HECTD4: variants seen among roughly 807,000 people sequenced by gnomAD.
HECTD4 encodes the protein HECT domain E3 ubiquitin protein ligase 4.
Under a neutral mutation model 471.5 loss-of-function variants are expected in HECTD4, and 114 were observed. That is an observed-to-expected ratio of 0.24 (90% CI 0.21 to 0.28). HECTD4 has a LOEUF of 0.28. Ranked by LOEUF, HECTD4 falls within the 10% of genes least tolerant of loss-of-function variation. HECTD4 has a pLI of 1.00. For missense variants in HECTD4, 3,866 were observed against 5,651.5 expected, an observed-to-expected ratio of 0.68 and a Z score of 10.13; for synonymous variants, 2,012 against 2,256.0, an observed-to-expected ratio of 0.89 and a Z score of 3.07.
At chr12:112,189,964 G>A (rs954333143) in intron 60 of HECTD4, among the ~76,000 whole-genome samples, 5 of 152,122 alleles carry the variant, frequency 3.3e-5, no homozygotes, top group African/African-American at 1.2e-4. Context: ...TGTTGGTCAG[G>A]CTGGTCTCCA....
chr12:112,330,893 T>C (rs1024836293), intron 1 of HECTD4, among the ~76,000 whole-genome samples: 2 of 152,090 alleles, frequency 1.3e-5, no homozygotes, highest in Admixed American at 6.6e-5. Context: ...AAAATACATG[T>C]GGTGAGGGGG....
At chr12:112,231,352 G>C in intron 39 of HECTD4, 161 bp downstream of exon 39, 1 of 649,676 alleles carries the variant, frequency 1.5e-6, no homozygotes, top group Non-Finnish European at 2.7e-6. Flanking sequence ...ATTACTCCCC[G>C]ACGTACTCCA....
rs911731940 is a variant in HECTD4, at chr12:112,213,561, C to T, written c.7466-911G>A. On this transcript the variant is annotated intron_variant, in intron 48 of 75. Transcript: ENST00000682272. This position sits in a 1 kb window ranked among gnomAD's most constrained non-coding sequence, Gnocchi z 4.0. ...TTTCGCCGGGCTAGGTGGCAGGCAC[C>T]TGTAGTCCCAGCTACTTGGGAGGCT... Among the ~76,000 whole-genome samples the T allele has an allele frequency of 1.8e-4, 27 of 151,932 alleles. No individual in the cohort carries two copies. Among genetic ancestry groups the T allele is most frequent in the African/African-American group, 6.5e-4 (27 of 41,454 alleles).
intron 22 of HECTD4, among the ~76,000 whole-genome samples, 182 bp from the exon 23 acceptor site, chr12:112,252,710 CT>C (rs1240957138): frequency 6.6e-6 from 1 of 152,166 alleles, no homozygotes; most frequent in East Asian, 1.9e-4. Context: ...CTTTAAGTGT[CT>C]CTCCTGATGA....
chr12:112,195,114 C>T (rs370063862), intron 55 of HECTD4, 48 bp from the exon 56 acceptor site: 8 of 1,509,216 alleles, frequency 5.3e-6, no homozygotes, highest in African/African-American at 4.1e-5. Flanking sequence ...GATGCTCCGG[C>T]CCCCATACCG....
chr12:112,218,083 G>A (rs546920450), intron 45 of HECTD4, among the ~76,000 whole-genome samples: 1 of 151,742 alleles, frequency 6.6e-6, no homozygotes, highest in South Asian at 2.1e-4. Flanking sequence ...AGTTGAACCC[G>A]GGAGGTGGAG....
chr12:112,290,807 C>A (rs2034861610), intron 7 of HECTD4, among the ~76,000 whole-genome samples: 1 of 142,782 alleles, frequency 7.0e-6, no homozygotes, highest in East Asian at 2.4e-4. Context: ...GAGATCACAC[C>A]ATTGCACTCC....
At chr12:112,233,370 A>G (rs1471671423) in intron 37 of HECTD4, among the ~76,000 whole-genome samples, 1 of 151,666 alleles carries the variant, frequency 6.6e-6, no homozygotes, top group East Asian at 1.9e-4. Flanking sequence ...CCACAGGTTC[A>G]TGCCACTATG....
intron 1 of HECTD4, among the ~76,000 whole-genome samples, chr12:112,334,160 G>C (rs2035894595): frequency 6.6e-6 from 1 of 151,668 alleles, no homozygotes; most frequent in African/African-American, 2.4e-5. Context: ...AGTGGGCCGA[G>C]ATCATGCCAC....
At position 112,239,819 on chromosome 12, in the gene HECTD4, T is replaced by G; in HGVS notation, c.5105+62A>C. ...TCCAATTTTTAAAATTAAAAATACT[T>G]TCACTTAATCGACTATACTGCAGGG... is the stretch of plus-strand genomic sequence containing the variant. On this transcript the variant is annotated intron_variant, in intron 33 of 75. Coordinates refer to ENST00000682272, the MANE Select transcript of HECTD4 (RefSeq NM_001388303.1). This position sits in a 1 kb window ranked among gnomAD's most constrained non-coding sequence, Gnocchi z 4.9. 2 of 1,434,002 alleles carry G rather than the reference T, an allele frequency of 1.4e-6. No homozygotes were observed. The highest frequency in any genetic ancestry group is 1.9e-6 in the Non-Finnish European group (2 of 1,067,054). The allele number at this position is 1,434,002 out of a possible 1,614,324, so 88.8% of individuals were successfully genotyped here.
In HECTD4 at chr12:112,214,022, A is replaced by G. The variant is rs561212566; in HGVS notation, c.7466-1372T>C. The stretch of plus-strand genomic sequence containing the variant: ...GGGTGACAGAGTGAGACCCAGTCTC[A>G]AAAAAAATAAAAAAGAAAAAAAATA... On this transcript the variant is annotated intron_variant, in intron 48 of 75. Coordinates refer to ENST00000682272, the MANE Select transcript of HECTD4 (RefSeq NM_001388303.1). Among the ~76,000 whole-genome samples the G allele has an allele frequency of 1.2e-3, 185 of 151,852 alleles. 1 individual carries two copies. Among genetic ancestry groups the G allele is most frequent in the African/African-American group, 4.3e-3 (178 of 41,460 alleles).
intron 1 of HECTD4, among the ~76,000 whole-genome samples, chr12:112,364,412 A>AT (rs1164749361): frequency 2.4e-4 from 34 of 144,198 alleles, no homozygotes; most frequent in African/African-American, 8.5e-4. Flanking sequence ...CTCTCTCAAA[A>AT]AAAAAAAAAA....
rs1408406357 is a variant in HECTD4 at position 112,211,204 on chromosome 12, GC to G, written c.7630-953del. On this transcript the variant is annotated intron_variant, in intron 49 of 75. Coordinates refer to ENST00000682272, the MANE Select transcript of HECTD4 (RefSeq NM_001388303.1). ...ATTTCTACTAAAAATACAAAAATTAGCCCAGTGTGGTGGTACACATCTGGAG... is the reference window on the plus strand; with the variant it reads ...ATTTCTACTAAAAATACAAAAATTAGCCAGTGTGGTGGTACACATCTGGAG... Among the ~76,000 whole-genome samples the G allele has an allele frequency of 8.5e-5, 13 of 152,148 alleles. No homozygotes were observed. The East Asian group carries it at 2.3e-3, about 27-fold the overall frequency.
In HECTD4 at chr12:112,192,736, C is replaced by A; in HGVS notation, c.9116G>T (p.Arg3039Leu). 1.3e-6 allele frequency: 2 copies of A among 1,591,716 alleles called. No homozygotes were observed. Among genetic ancestry groups the A allele is most frequent in the East Asian group, 2.3e-5 (1 of 43,848 alleles). ...GTGGCCGAGGCCATATACGAGCACC[C>A]GTGCCCACGGTGCCTTGTACAGAGA... The part of the protein sequence containing the change: ...DSSLYKAPWA[R>L]VLVYGLGHKV... The change falls in exon 59 of 76, where the codon CGG (arginine) becomes CTG (leucine). Residue 3039 changes from arginine (R) to leucine (L), a missense_variant. Coordinates refer to ENST00000682272, the MANE Select transcript of HECTD4 (RefSeq NM_001388303.1).
At chr12:112,221,126 T>C (rs1193710186) in intron 44 of HECTD4, among the ~76,000 whole-genome samples, 2 of 152,040 alleles carry the variant, frequency 1.3e-5, no homozygotes, top group African/African-American at 2.4e-5. Context: ...TAATTTTTTG[T>C]ATTTTTTGTA....
intron 2 of HECTD4, among the ~76,000 whole-genome samples, chr12:112,315,908 A>AG (rs1347138752): frequency 4.0e-5 from 6 of 151,432 alleles, no homozygotes; most frequent in African/African-American, 1.5e-4. Context: ...AAAAAAAAAA[A>AG]AAAAAAAAAA....
chr12:112,266,014 C>G (rs569446892), intron 14 of HECTD4, 31 bp from the exon 15 acceptor site: 1 of 1,437,254 alleles, frequency 7.0e-7, no homozygotes, highest in African/African-American at 1.4e-5. Context: ...ATCAACTACC[C>G]TGGTAATGAC....
At chr12:112,183,292 G>C (rs1156906868) in intron 61 of HECTD4, 26 bp from the exon 62 acceptor site, 10 of 1,569,284 alleles carry the variant, frequency 6.4e-6, no homozygotes, top group Non-Finnish European at 8.8e-6. Context: ...ACAGGGTCAG[G>C]ATTTGAGTAG....
At chr12:112,260,302 C>T (rs536879100) in intron 18 of HECTD4, among the ~76,000 whole-genome samples, 1 of 152,164 alleles carries the variant, frequency 6.6e-6, no homozygotes, top group Non-Finnish European at 1.5e-5. Flanking sequence ...CTTAAGGCTA[C>T]TTAGGATATT....
Sources: allele counts gnomAD v4.1 joint callset (sites outside exome capture counted in the v4.1 genomes callset), GRCh38; gene constraint gnomAD v4.1.1; non-coding constraint Gnocchi (gnomAD v3.1); transcripts MANE v1.5; gene names NCBI Gene and HGNC (gene_info 2026-07-23, HGNC 2026-07-21).